The following RAB7B variants were observed in gnomAD, a reference collection of about 807,000 sequenced individuals.
RAB7B encodes ras-related protein Rab-7b.
intron 1 of RAB7B, among the ~76,000 whole-genome samples, chr1:205,998,182 C>A (rs1419271979): frequency 2.0e-5 from 3 of 152,034 alleles, no homozygotes; most frequent in African/African-American, 7.3e-5. Flanking sequence ...GGTGAAACCC[C>A]ATCTCTATTA....
intron 4 of RAB7B, among the ~76,000 whole-genome samples, chr1:205,987,913 T>G (rs1164659982): frequency 1.3e-5 from 2 of 152,102 alleles, no homozygotes; most frequent in African/African-American, 4.8e-5. Context: ...ATTTTTGTTT[T>G]GTTTTGTTTT....
At chr1:205,994,025 T>C (rs1164939718) in intron 2 of RAB7B, 58 bp downstream of exon 2, 2 of 398,262 alleles carry the variant, frequency 5.0e-6, no homozygotes, top group Non-Finnish European at 8.9e-6. Context: ...CATCAGGAGG[T>C]CTCACTGTCC....
Position 205,992,667 on chromosome 1 carries a change from AAC to A in RAB7B, c.207_208del (p.Phe70ProfsTer19). ...GTAGAACGTGGACACCATGGAGCGG[AAC>A]CGCTCCTGACCGCCCGTGTCCCAGA... On this transcript the variant is annotated frameshift_variant, in exon 4 of 6. Transcript: ENST00000617070. LOFTEE classifies it high-confidence loss of function. The A allele has an allele frequency of 2.5e-6, 1 of 398,816 alleles. No homozygotes were observed. The highest frequency in any genetic ancestry group is 4.4e-6 in the Non-Finnish European group (1 of 226,216). 24.7% of individuals were successfully genotyped at this position (398,816 alleles called of 1,614,324 possible).
At chr1:205,985,315 A>G (rs1660571081) in intron 5 of RAB7B, among the ~76,000 whole-genome samples, 1 of 152,180 alleles carries the variant, frequency 6.6e-6, no homozygotes, top group African/African-American at 2.4e-5. Context: ...CTGGATTGAC[A>G]GACCACTGAC....
chr1:205,993,006 C>T (rs1212716016), intron 3 of RAB7B, among the ~76,000 whole-genome samples: 3 of 152,166 alleles, frequency 2.0e-5, no homozygotes, highest in Admixed American at 2.0e-4. Context: ...AATGTCTTGC[C>T]TAAGATCACC....
chr1:205,996,410 C>T (rs1660813990), intron 1 of RAB7B, among the ~76,000 whole-genome samples: 1 of 152,244 alleles, frequency 6.6e-6, no homozygotes, highest in East Asian at 1.9e-4. Context: ...AATAGGACAT[C>T]CTGAGGCCTT....
chr1:205,993,319 C>T (rs2102640798), intron 3 of RAB7B, 101 bp downstream of exon 3: 3 of 395,438 alleles, frequency 7.6e-6, no homozygotes, highest in East Asian at 3.6e-5. Flanking sequence ...CTGCTCTAGA[C>T]CATTCTAGCT....
chr1:206,000,979 T>C (rs976756590), intron 1 of RAB7B, among the ~76,000 whole-genome samples: 13,534 of 152,272 alleles, frequency 0.089, 642 homozygotes, highest in Non-Finnish European at 0.11. Flanking sequence ...GCTCCCACAT[T>C]CCACCCCCTC....
At position 205,992,603 on chromosome 1, in the gene RAB7B, G is replaced by A. The variant is rs1174287250; in HGVS notation, c.273C>T (p.Thr91=). ...SDGCILAFDV[T]DLESFEALDI... Reference sequence around the variant, plus strand: ...CCAGGGCTTCAAAAGACTCCAGGTCGGTGACATCAAAAGCTAGGATGCAGC... The same window carrying A: ...CCAGGGCTTCAAAAGACTCCAGGTCAGTGACATCAAAAGCTAGGATGCAGC... The change falls in exon 4 of 6, where the codon ACC becomes ACT. Residue 91 remains threonine (T), a synonymous_variant. Transcript: ENST00000617070. 5.0e-6 allele frequency: 2 copies of A among 398,746 alleles called. No homozygotes were observed. The highest frequency in any genetic ancestry group is 8.8e-6 in the Non-Finnish European group (2 of 226,158). The allele number at this position is 398,746 out of a possible 1,614,324, so 24.7% of individuals were successfully genotyped here. A position where few individuals can be genotyped will look rare whatever the true frequency, so the allele number is the denominator to read the frequency against.
intron 1 of RAB7B, 152 bp from the exon 2 acceptor site, chr1:205,994,303 G>T: frequency 2.6e-6 from 1 of 386,668 alleles, no homozygotes; most frequent in Non-Finnish European, 4.6e-6. Flanking sequence ...ACGTAATTCA[G>T]CAATCTTCAT....
chr1:205,986,510 C>A (rs1206759633), intron 4 of RAB7B, among the ~76,000 whole-genome samples: 1 of 152,236 alleles, frequency 6.6e-6, no homozygotes, highest in Non-Finnish European at 1.5e-5. Flanking sequence ...AAGAACCATG[C>A]CTCTCCTTTT....
intron 1 of RAB7B, among the ~76,000 whole-genome samples, chr1:205,998,514 AG>A (rs1660843560): frequency 6.6e-6 from 1 of 152,192 alleles, no homozygotes; most frequent in Non-Finnish European, 1.5e-5. Flanking sequence ...GAGTTGGAGG[AG>A]GCAGAGAAAG....
chr1:205,983,744 G>A (rs2102632326), intron 5 of RAB7B: 2 of 151,854 alleles, frequency 1.3e-5, no homozygotes, highest in African/African-American at 4.8e-5. Flanking sequence ...GGACCGACAT[G>A]GATTGCTACC....
chr1:205,990,382 G>C (rs1487979687), intron 4 of RAB7B, among the ~76,000 whole-genome samples: 1 of 152,176 alleles, frequency 6.6e-6, no homozygotes, highest in Non-Finnish European at 1.5e-5. Flanking sequence ...TGGTGGACAT[G>C]GTGGACTGGT....
intron 1 of RAB7B, among the ~76,000 whole-genome samples, chr1:205,997,990 AG>A (rs1169146947): frequency 1.3e-5 from 2 of 152,202 alleles, no homozygotes; most frequent in Non-Finnish European, 2.9e-5. Context: ...CCAAGCTCCA[AG>A]AAGCTGAGTA....
At chr1:205,983,783 T>A (rs1368743763) in intron 5 of RAB7B, 1 of 144,290 alleles carries the variant, frequency 6.9e-6, no homozygotes, top group Non-Finnish European at 1.5e-5. Context: ...GAAAGGGTGT[T>A]ATAAAAAAAA....
chr1:205,985,951 GA>G (rs1185607192), intron 4 of RAB7B, among the ~76,000 whole-genome samples: 1 of 152,076 alleles, frequency 6.6e-6, no homozygotes, highest in Admixed American at 6.6e-5. Context: ...GAGGCCTGGA[GA>G]AAAAAAACTT....
At chr1:205,979,342 C>T (rs1660445203) in intron 5 of RAB7B, among the ~76,000 whole-genome samples, 1 of 152,198 alleles carries the variant, frequency 6.6e-6, no homozygotes, top group Non-Finnish European at 1.5e-5. Flanking sequence ...CTCTCAGCCT[C>T]CCCTACTCAT....
intron 1 of RAB7B, among the ~76,000 whole-genome samples, chr1:206,002,764 G>A (rs1021933776): frequency 1.2e-4 from 19 of 152,184 alleles, no homozygotes; most frequent in African/African-American, 4.6e-4. Flanking sequence ...TGGGCAAGGA[G>A]AAATATTTAT....
Sources: gnomAD v4.1 joint callset for allele counts (sites outside exome capture counted in the v4.1 genomes callset) on GRCh38, gnomAD v4.1.1 for gene constraint, MANE v1.5 for transcripts, NCBI Gene and HGNC (gene_info 2026-07-23, HGNC 2026-07-21) for gene names.